Variants in GRIN2A observed in about 807,000 individuals in gnomAD.
GRIN2A encodes the protein glutamate ionotropic receptor NMDA type subunit 2A.
A neutral mutation model predicts 113.4 loss-of-function variants in GRIN2A; 22 were observed. The observed-to-expected ratio is 0.19, with a 90% confidence interval of 0.14 to 0.28. GRIN2A has a LOEUF of 0.28. Ranked by LOEUF, GRIN2A falls within the 10% of genes least tolerant of loss-of-function variation. GRIN2A has a pLI of 1.00. For missense variants in GRIN2A, 1,502 were observed against 1,887.0 expected, an observed-to-expected ratio of 0.80 and a Z score of 3.78; for synonymous variants, 827 against 738.4, an observed-to-expected ratio of 1.12 and a Z score of -1.94.
chr16:10,065,496 T>A (rs140745176), intron 2 of GRIN2A, among the ~76,000 whole-genome samples: 132 of 152,366 alleles, frequency 8.7e-4, no homozygotes, highest in African/African-American at 2.9e-3. Flanking sequence ...CATAAAGTTG[T>A]TTTAATGCAT....
rs536305356 is a variant in GRIN2A at position 10,004,285 on chromosome 16, A to C, written c.415-65734T>G. ...GCACCTGTAGTCCCAGCTACTCAGG[A>C]GGCTGAGGCAGGAGAATCGCTTGAA... On this transcript the variant is annotated intron_variant, in intron 2 of 12. Transcript: ENST00000330684. Among the ~76,000 whole-genome samples the C allele has an allele frequency of 8.3e-4, 126 of 152,026 alleles. 1 individual carries two copies. The highest frequency in any genetic ancestry group is 2.9e-3 in the African/African-American group (121 of 41,456).
In GRIN2A at chr16:10,180,569, C is replaced by G; in HGVS notation, c.-18-140G>C. The G allele has an allele frequency of 6.9e-7, 1 of 1,444,026 alleles. No homozygotes were observed. Among genetic ancestry groups the G allele is most frequent in the South Asian group, 1.4e-5 (1 of 72,828 alleles). 89.5% of individuals were successfully genotyped at this position (1,444,026 alleles called of 1,614,324 possible). A position where few individuals can be genotyped will look rare whatever the true frequency, so the allele number is the denominator to read the frequency against. On this transcript the variant is annotated intron_variant, in intron 1 of 12. Coordinates refer to ENST00000330684, the MANE Select transcript of GRIN2A (RefSeq NM_001134407.3). The surrounding 1 kb of genome is among the most constrained non-coding windows in gnomAD (Gnocchi z 7.0). ...GGCTGCTGGGATCACGGACTCCATT[C>G]CGAGTCCCCGACGCCATCCACATCC...
At chr16:9,914,480 C>A (rs2044203163) in intron 3 of GRIN2A, among the ~76,000 whole-genome samples, 1 of 152,230 alleles carries the variant, frequency 6.6e-6, no homozygotes, top group African/African-American at 2.4e-5. Flanking sequence ...CTTTCAGTAT[C>A]AGTTCTGGCT....
At chr16:10,111,675 G>A in intron 2 of GRIN2A, 1 of 1,569,998 alleles carries the variant, frequency 6.4e-7, no homozygotes, top group Non-Finnish European at 8.7e-7. Context: ...GCACCCCAGA[G>A]TTCCAGGCCA....
rs751692867 is a variant in GRIN2A at position 9,938,407 on chromosome 16, C to T, written c.559G>A (p.Val187Ile). 86 of 1,613,952 alleles carry T rather than the reference C, an allele frequency of 5.3e-5. 2 individuals carry two copies. The highest frequency in any genetic ancestry group is 4.9e-4 in the Middle Eastern group (3 of 6,084). ...FPGYREFISFVKTTVDNSFVG... is the reference protein window; with the variant it reads ...FPGYREFISFIKTTVDNSFVG... ...AAGCTGTTGTCCACTGTGGTCTTGACGAAGCTGATGAATTCCCTGTAGCCA... is the reference window on the plus strand; with the variant it reads ...AAGCTGTTGTCCACTGTGGTCTTGATGAAGCTGATGAATTCCCTGTAGCCA... Residue 187 changes from valine to isoleucine, a missense_variant, in exon 3 of 13, where the codon GTC becomes ATC. Transcript: ENST00000330684.
intron 3 of GRIN2A, among the ~76,000 whole-genome samples, chr16:9,899,307 G>A (rs1225352676): frequency 4.0e-5 from 6 of 151,784 alleles, no homozygotes; most frequent in Admixed American, 3.9e-4. Flanking sequence ...AAGCGTAGTG[G>A]CAGGCATCTA....
In GRIN2A at chr16:9,800,495, G is replaced by T. The variant is rs1339713401; in HGVS notation, c.2169-2031C>A. Among the ~76,000 whole-genome samples, 2 of 152,132 alleles carry T rather than the reference G, an allele frequency of 1.3e-5. 1 individual carries two copies. The highest frequency in any genetic ancestry group is 3.9e-4 in the East Asian group (2 of 5,192). ...AAAATAAAAATAAAAATGGCAAAGA[G>T]AGGATGTGAAACACTGCATCTTTTC... On this transcript the variant is annotated intron_variant, in intron 10 of 12. Coordinates refer to ENST00000330684, the MANE Select transcript of GRIN2A (RefSeq NM_001134407.3).
intron 10 of GRIN2A, among the ~76,000 whole-genome samples, chr16:9,803,103 T>C (rs1194493191): frequency 1.3e-5 from 2 of 152,180 alleles, no homozygotes; most frequent in Non-Finnish European, 1.5e-5. Flanking sequence ...CAGTTTTCCC[T>C]ATGAAAAATG....
chr16:10,096,108 C>G (rs896608220), intron 2 of GRIN2A, among the ~76,000 whole-genome samples: 38 of 152,194 alleles, frequency 2.5e-4, no homozygotes, highest in African/African-American at 8.7e-4. Context: ...GAGCCCAAGC[C>G]CCACCCCAGA....
chr16:9,829,265 T>C (rs1221035951), intron 9 of GRIN2A, among the ~76,000 whole-genome samples, 158 bp downstream of exon 9: 2 of 152,214 alleles, frequency 1.3e-5, no homozygotes, highest in African/African-American at 4.8e-5. Flanking sequence ...TTCAAAAACT[T>C]TGAGAAAGAG....
chr16:10,089,894 T>C (rs1385854975), intron 2 of GRIN2A, among the ~76,000 whole-genome samples: 1 of 152,068 alleles, frequency 6.6e-6, no homozygotes, highest in Non-Finnish European at 1.5e-5. Context: ...ATAAAACCGA[T>C]GAGGGGGAGG....
chr16:9,860,445 C>CAAAAAAAAAAAAAAAAA (rs35715098), intron 4 of GRIN2A, among the ~76,000 whole-genome samples: 1 of 57,952 alleles, frequency 1.7e-5, no homozygotes, highest in African/African-American at 6.1e-5. Context: ...AAGAGTCTCT[C>CAAAAAAAAAAAAAAAAA]AAAAAAAAAA....
chr16:10,084,697 A>T (rs1217545188), intron 2 of GRIN2A, among the ~76,000 whole-genome samples: 1 of 151,648 alleles, frequency 6.6e-6, no homozygotes, highest in African/African-American at 2.4e-5. Context: ...CCCTCATCTG[A>T]CTTTTCTAGT....
At chr16:10,066,904 G>T (rs1051909168) in intron 2 of GRIN2A, among the ~76,000 whole-genome samples, 1 of 152,116 alleles carries the variant, frequency 6.6e-6, no homozygotes, top group Non-Finnish European at 1.5e-5. Context: ...CAGAAGAACA[G>T]GTAAACAAAA....
intron 2 of GRIN2A, among the ~76,000 whole-genome samples, chr16:10,104,430 T>A (rs1483606891): frequency 6.6e-6 from 1 of 152,120 alleles, no homozygotes; most frequent in East Asian, 1.9e-4. Context: ...GAAGAAAGAA[T>A]ATCATAGGAG....
chr16:9,830,400 T>C (rs1448032692), intron 8 of GRIN2A, among the ~76,000 whole-genome samples: 1 of 150,192 alleles, frequency 6.7e-6, no homozygotes, highest in Non-Finnish European at 1.5e-5. Context: ...CAGAATGATA[T>C]GCCAAAATTT....
At chr16:10,101,613 C>T (rs943748160) in intron 2 of GRIN2A, among the ~76,000 whole-genome samples, 1 of 152,178 alleles carries the variant, frequency 6.6e-6, no homozygotes, top group African/African-American at 2.4e-5. Flanking sequence ...CTGGCCAACA[C>T]CTCTCAATCC....
At chr16:9,848,579 T>C (rs2042818485) in intron 5 of GRIN2A, among the ~76,000 whole-genome samples, 2 of 149,678 alleles carry the variant, frequency 1.3e-5, no homozygotes, top group Admixed American at 6.7e-5. Flanking sequence ...ATATGATGTT[T>C]TACATATTTT....
At chr16:9,793,759 A>G (rs28608475) in intron 11 of GRIN2A, among the ~76,000 whole-genome samples, 2,457 of 152,258 alleles carry the variant, frequency 0.016, 66 homozygotes, top group African/African-American at 0.056. Context: ...ATATATATGT[A>G]TGTATATATA....
Sources: gnomAD v4.1 joint callset for allele counts (sites outside exome capture counted in the v4.1 genomes callset) on GRCh38, gnomAD v4.1.1 for gene constraint, Gnocchi (gnomAD v3.1) non-coding constraint, MANE v1.5 for transcripts, NCBI Gene and HGNC (gene_info 2026-07-23, HGNC 2026-07-21) for gene names.